The following PRKD1 variants were observed in gnomAD, a reference collection of about 807,000 sequenced individuals.
PRKD1 encodes protein kinase D1.
A neutral mutation model predicts 95.9 loss-of-function variants in PRKD1; 63 were observed. The observed-to-expected ratio is 0.66, with a 90% CI of 0.54 to 0.81. The LOEUF (loss-of-function observed/expected upper bound fraction) is 0.81. PRKD1 is among the 30% of genes least tolerant of loss of function. PRKD1 has a pLI of 0.00. For synonymous variants in PRKD1, 425 were observed against 423.1 expected (o/e 1.00, Z -0.05); for missense variants, 1,048 against 1,165.3 (o/e 0.90, Z 1.47).
chr14:29,860,028 T>C (rs1892648991), intron 1 of PRKD1, among the ~76,000 whole-genome samples: 1 of 152,238 alleles, frequency 6.6e-6, no homozygotes, highest in African/African-American at 2.4e-5. Flanking sequence ...AATTCAGTAC[T>C]AGTCAAATTA....
Position 29,624,263 on chromosome 14 carries a change from A to G in PRKD1, c.1799-5T>C. 1.9e-6 allele frequency: 3 copies of G among 1,590,764 alleles called. No individual in the cohort carries two copies. The highest frequency in any genetic ancestry group is 2.6e-6 in the Non-Finnish European group (3 of 1,166,312). The stretch of plus-strand genomic sequence containing the variant: ...TTCCTGTTTTACGATGTTTTCCTTT[A>G]AAATGAAAAAGGGAAGCATTAGTAA... On this transcript the variant is annotated splice_polypyrimidine_tract_variant and splice_region_variant and intron_variant, in intron 12 of 17. Coordinates refer to ENST00000331968, the MANE Select transcript of PRKD1 (RefSeq NM_002742.3).
At chr14:29,833,580 G>A (rs190810122) in intron 1 of PRKD1, among the ~76,000 whole-genome samples, 2 of 152,126 alleles carry the variant, frequency 1.3e-5, no homozygotes, top group East Asian at 1.9e-4. Flanking sequence ...GGATTCTAAT[G>A]ATGTCAGACA....
At chr14:29,682,636 G>A (rs1371970446) in intron 2 of PRKD1, among the ~76,000 whole-genome samples, 1 of 152,052 alleles carries the variant, frequency 6.6e-6, no homozygotes, top group Admixed American at 6.5e-5. Context: ...GAAGCAGCAG[G>A]GAAACGAGAA....
intron 15 of PRKD1, among the ~76,000 whole-genome samples, chr14:29,598,165 A>G (rs1893379378): frequency 6.6e-6 from 1 of 151,956 alleles, no homozygotes; most frequent in Admixed American, 6.6e-5. Flanking sequence ...AGTCCCAGCT[A>G]TTCGAGAGGC....
intron 1 of PRKD1, among the ~76,000 whole-genome samples, chr14:29,831,218 T>A (rs186849601): frequency 6.6e-6 from 1 of 152,184 alleles, no homozygotes; most frequent in Admixed American, 6.5e-5. Context: ...ATTTTACAGA[T>A]GAGAAAACGG....
At chr14:29,898,411 G>A (rs556095154) in intron 1 of PRKD1, among the ~76,000 whole-genome samples, 18 of 152,222 alleles carry the variant, frequency 1.2e-4, no homozygotes, top group African/African-American at 4.1e-4. Flanking sequence ...GAAGGGTATA[G>A]TATTTTTTTC....
At chr14:29,621,951 A>G (rs1879292528) in intron 13 of PRKD1, among the ~76,000 whole-genome samples, 1 of 152,182 alleles carries the variant, frequency 6.6e-6, no homozygotes, top group Non-Finnish European at 1.5e-5. Context: ...AAACCTTATT[A>G]TGATGAAGGA....
chr14:29,597,819 T>G (rs1009759325), intron 15 of PRKD1, 61 bp from the exon 16 acceptor site: 1 of 1,487,598 alleles, frequency 6.7e-7, no homozygotes, highest in African/African-American at 1.4e-5. Flanking sequence ...TGTGTCTTAG[T>G]TCAGATTCAC....
intron 1 of PRKD1, among the ~76,000 whole-genome samples, chr14:29,808,366 G>C (rs529975469): frequency 2.8e-3 from 311 of 109,216 alleles, no homozygotes; most frequent in African/African-American, 6.2e-3. Context: ...CCTACTTTCA[G>C]GCTCTACTTT....
At chr14:29,596,117 G>T (rs1039280553) in intron 16 of PRKD1, among the ~76,000 whole-genome samples, 2 of 152,290 alleles carry the variant, frequency 1.3e-5, no homozygotes, top group East Asian at 3.9e-4. Flanking sequence ...GGATGTTAAA[G>T]GTTGTTGCTA....
At chr14:29,585,809 C>T (rs1471509505) in intron 16 of PRKD1, among the ~76,000 whole-genome samples, 2 of 152,066 alleles carry the variant, frequency 1.3e-5, no homozygotes, top group African/African-American at 4.8e-5. Context: ...CACTAAAATC[C>T]TTTGGGAAGT....
intron 1 of PRKD1, among the ~76,000 whole-genome samples, chr14:29,870,275 T>C (rs983536070): frequency 4.6e-5 from 7 of 152,198 alleles, no homozygotes; most frequent in Admixed American, 2.0e-4. Flanking sequence ...GTTTTGAGTT[T>C]TTGTTTGCAA....
chr14:29,714,639 CT>C (rs1387481575), intron 2 of PRKD1, among the ~76,000 whole-genome samples: 2 of 152,146 alleles, frequency 1.3e-5, no homozygotes, highest in Non-Finnish European at 2.9e-5. Flanking sequence ...AATCATTCTA[CT>C]ATAAAGACAC....
chr14:29,684,735 A>G (rs898893081), intron 2 of PRKD1, among the ~76,000 whole-genome samples: 2 of 152,198 alleles, frequency 1.3e-5, no homozygotes, highest in African/African-American at 4.8e-5. Context: ...ATGACTAGGA[A>G]GGACAGTGTT....
At chr14:29,612,657 T>C (rs1878547936) in intron 13 of PRKD1, among the ~76,000 whole-genome samples, 1 of 152,238 alleles carries the variant, frequency 6.6e-6, no homozygotes, top group Non-Finnish European at 1.5e-5. Flanking sequence ...ATTTTCTAAA[T>C]TAATTTTCTT....
chr14:29,592,390 T>A (rs1161334592), intron 16 of PRKD1, among the ~76,000 whole-genome samples: 1 of 152,206 alleles, frequency 6.6e-6, no homozygotes. Context: ...TATAGTTATG[T>A]ATGCATAACT....
At chr14:29,635,123 T>C (rs975557333) in intron 7 of PRKD1, among the ~76,000 whole-genome samples, 14 of 152,116 alleles carry the variant, frequency 9.2e-5, no homozygotes, top group African/African-American at 2.9e-4. Context: ...AAACCTGAGG[T>C]AGAGTACTTC....
At chr14:29,813,616 A>G (rs978524994) in intron 1 of PRKD1, among the ~76,000 whole-genome samples, 2 of 152,154 alleles carry the variant, frequency 1.3e-5, no homozygotes, top group African/African-American at 4.8e-5. Flanking sequence ...ACCTATTTCT[A>G]CTTAAACTGT....
rs756531990 is a variant in PRKD1, at chr14:29,636,313, G to A, written c.1167C>T (p.His389=). 1.1e-5 allele frequency: 17 copies of A among 1,614,074 alleles called. No individual in the cohort carries two copies. Among genetic ancestry groups the A allele is most frequent in the Middle Eastern group, 1.6e-4 (1 of 6,084 alleles). Residue 389 remains histidine, a synonymous_variant, in exon 7 of 18, where the codon CAC becomes CAT. Transcript: ENST00000331968. ...SGEMQDPDPD[H]EDANRTISPS... ...ACCTGATGGTTCTGTTGGCGTCCTC[G>A]TGGTCTGGGTCTGGATCTTGCATCT...
Sources: allele counts gnomAD v4.1 joint callset (sites outside exome capture counted in the v4.1 genomes callset), GRCh38; gene constraint gnomAD v4.1.1; transcripts MANE v1.5; gene names NCBI Gene and HGNC (gene_info 2026-07-23, HGNC 2026-07-21).